The following SMARCD1 variants were observed in gnomAD, a reference collection of about 807,000 sequenced individuals.
SMARCD1 encodes SWI/SNF related BAF chromatin remodeling complex subunit D1.
A neutral mutation model predicts 70.8 loss-of-function variants in SMARCD1; 16 were observed. The ratio of observed to expected loss-of-function variants is 0.23; its 90% confidence interval spans 0.15 to 0.34. The LOEUF is 0.34. Ranked by LOEUF, SMARCD1 falls within the 10% of genes least tolerant of loss-of-function variation. The pLI is 1.00. For missense variants in SMARCD1, 409 were observed against 655.5 expected, an observed-to-expected ratio of 0.62 and a Z score of 4.11; for synonymous variants, 249 against 246.0, an observed-to-expected ratio of 1.01 and a Z score of -0.11.
rs781490034 is a variant in SMARCD1 at position 50,090,507 on chromosome 12, A to G, written c.1050A>G (p.Gln350=). Residue 350 remains glutamine, a synonymous_variant, in exon 9 of 13, where the codon CAA becomes CAG. Transcript: ENST00000394963. ...CTTTGCTACAGATCTTTGAGTCTCA[A>G]CGTATGAAGTTTTCAGAGATCCCTC... is the stretch of plus-strand genomic sequence containing the variant. ...DKYLQQIFES[Q]RMKFSEIPQR... 6 of 1,614,108 alleles carry G rather than the reference A, an allele frequency of 3.7e-6. No homozygotes were observed. Among genetic ancestry groups the G allele is most frequent in the Admixed American group, 3.3e-5 (2 of 60,022 alleles).
At chr12:50,087,618 C>G in intron 5 of SMARCD1, 133 bp downstream of exon 5, 2 of 1,055,144 alleles carry the variant, frequency 1.9e-6, no homozygotes, top group Non-Finnish European at 2.8e-6. Context: ...GGACACTGTT[C>G]CCTGCACTGA....
In SMARCD1 at chr12:50,096,979, A is replaced by T; in HGVS notation, c.1392+7A>T. The T allele has an allele frequency of 6.2e-7, 1 of 1,609,316 alleles. No homozygotes were observed. The highest frequency in any genetic ancestry group is 1.3e-5 in the African/African-American group (1 of 74,882). On this transcript the variant is annotated splice_region_variant and intron_variant, in intron 11 of 12. Transcript: ENST00000394963. ...CCAGTGCAGGGACCTCAAGGTAAAG[A>T]ACCTAGGAGAGGTCTGAAGGGACTT...
chr12:50,086,489 T>TAGTGGTGGTGGTGGTGGTGGTGGC (rs1565737852), intron 2 of SMARCD1, 132 bp from the exon 3 acceptor site: 1 of 1,004,150 alleles, frequency 1.0e-6, no homozygotes, highest in Admixed American at 2.1e-5. Flanking sequence ...TTGGTGGTGG[T>TAGTGGTGGTGGTGGTGGTGGTGGC]GGTGGTGGTG....
chr12:50,090,993 T>G (rs1275795071), intron 9 of SMARCD1, among the ~76,000 whole-genome samples: 1 of 151,514 alleles, frequency 6.6e-6, no homozygotes, highest in Non-Finnish European at 1.5e-5. Context: ...CCTGGCTAAT[T>G]TTTTGTATTT....
intron 9 of SMARCD1, among the ~76,000 whole-genome samples, chr12:50,094,193 A>T (rs964173968): frequency 6.6e-6 from 1 of 152,190 alleles, no homozygotes; most frequent in Admixed American, 6.5e-5. Flanking sequence ...AATCAACTTT[A>T]TTGAAGTATA....
chr12:50,094,615 A>C (rs770779782), intron 10 of SMARCD1, 43 bp downstream of exon 10: 3 of 1,590,850 alleles, frequency 1.9e-6, no homozygotes, highest in East Asian at 4.5e-5. Context: ...ACCAGCCCCT[A>C]TCACAGCTTC....
rs570911785 is a variant in SMARCD1, at chr12:50,099,110, G to A, written c.*110G>A. ...TGCTTGGGGCGTTCCAGGGGATGCT[G>A]TTGGTTCAAGGACAACACCAGAATG... On this transcript the variant is annotated 3_prime_UTR_variant, in exon 13 of 13. Coordinates refer to ENST00000394963, the MANE Select transcript of SMARCD1 (RefSeq NM_003076.5). 1.4e-4 allele frequency: 137 copies of A among 967,400 alleles called. No homozygotes were observed. Among genetic ancestry groups the A allele is most frequent in the Middle Eastern group, 5.9e-4 (2 of 3,406 alleles). The allele number at this position is 967,400 out of a possible 1,614,324, so 59.9% of individuals were successfully genotyped here.
intron 9 of SMARCD1, 117 bp downstream of exon 9, chr12:50,090,707 C>T (rs965694519): frequency 3.2e-6 from 2 of 624,920 alleles, no homozygotes; most frequent in South Asian, 2.0e-5. Context: ...AACTGTTACA[C>T]TGTTACTTAC....
chr12:50,089,085 A>G (rs1440174005), intron 6 of SMARCD1: 1 of 152,550 alleles, frequency 6.6e-6, no homozygotes, highest in Non-Finnish European at 1.5e-5. Flanking sequence ...CTCTGTTTAC[A>G]TTTACATTCC....
At chr12:50,097,012 T>A in intron 11 of SMARCD1, 40 bp downstream of exon 11, 1 of 1,567,716 alleles carries the variant, frequency 6.4e-7, no homozygotes. Flanking sequence ...CTTAGGTCAG[T>A]GAGGTGCACA....
chr12:50,099,388 T>C lies in SMARCD1; in HGVS notation c.*388T>C. On this transcript the variant is annotated 3_prime_UTR_variant, in exon 13 of 13. Transcript: ENST00000394963. Reference sequence around the variant, plus strand: ...TCAGAGACCCAGGAGTTGGGAGCTTTCGCTCCTTCTCCAAGACTCAGGCCT... The same window carrying C: ...TCAGAGACCCAGGAGTTGGGAGCTTCCGCTCCTTCTCCAAGACTCAGGCCT... 4.4e-6 allele frequency: 2 copies of C among 458,558 alleles called. No homozygotes were observed. The highest frequency in any genetic ancestry group is 6.3e-5 in the East Asian group (2 of 31,556). 28.4% of individuals were successfully genotyped at this position (458,558 alleles called of 1,614,324 possible).
chr12:50,090,638 C>A (rs140039484), intron 9 of SMARCD1, 48 bp downstream of exon 9: 2 of 1,401,816 alleles, frequency 1.4e-6, no homozygotes, highest in South Asian at 2.3e-5. Flanking sequence ...TGCCTTGTGC[C>A]GATTTGCACA....
In SMARCD1 at chr12:50,085,536, C is replaced by G. The variant is rs1344323730; in HGVS notation, c.167C>G (p.Ala56Gly). 5 of 1,232,180 alleles carry G rather than the reference C, an allele frequency of 4.1e-6. No individual in the cohort carries two copies. In the Admixed American group the frequency reaches 2.1e-4, roughly 52 times the overall value. The allele number at this position is 1,232,180 out of a possible 1,614,324, so 76.3% of individuals were successfully genotyped here. ...QGLYRSPMPG[A>G]AYPRPGMLPG... ...CTGTACCGCTCCCCGATGCCCGGAG[C>G]GGCCTATCCGGTGAGTGGGGCAGGA... Residue 56 changes from alanine (A) to glycine (G), a missense_variant, in exon 1 of 13, where the codon GCG becomes GGG. By Grantham distance (60) the Ala-to-Gly change is moderately conservative (BLOSUM62 0). This residue lies in a region of SMARCD1 where 140 missense variants were observed against 156.9 expected (regional missense o/e 0.89). Transcript: ENST00000394963.
intron 9 of SMARCD1, among the ~76,000 whole-genome samples, chr12:50,092,582 A>G (rs910607049): frequency 6.6e-6 from 1 of 151,806 alleles, no homozygotes; most frequent in Admixed American, 6.6e-5. Context: ...GGGAGGGGAA[A>G]AAAAGAAAAA....
rs1950928454 is a variant in SMARCD1, at chr12:50,100,277, C to G, written c.*1277C>G. ...CTGGGCACAAAGGGGGAATTCCGTTCAGCATGGGCTCTAAACCCACAGAAC... is the reference window on the plus strand; with the variant it reads ...CTGGGCACAAAGGGGGAATTCCGTTGAGCATGGGCTCTAAACCCACAGAAC... On this transcript the variant is annotated 3_prime_UTR_variant, in exon 13 of 13. Coordinates refer to ENST00000394963, the MANE Select transcript of SMARCD1 (RefSeq NM_003076.5). 1 of 152,644 alleles carries G rather than the reference C, an allele frequency of 6.6e-6. No homozygotes were observed. The highest frequency in any genetic ancestry group is 2.1e-4 in the South Asian group (1 of 4,830). The allele number at this position is 152,644 out of a possible 1,614,324, so 9.5% of individuals were successfully genotyped here. A position where few individuals can be genotyped will look rare whatever the true frequency, so the allele number is the denominator to read the frequency against.
chr12:50,087,180 G>A (rs181765823), intron 4 of SMARCD1, among the ~76,000 whole-genome samples, 183 bp from the exon 5 acceptor site: 14 of 152,276 alleles, frequency 9.2e-5, no homozygotes, highest in Non-Finnish European at 1.3e-4. Context: ...CCCACTATAT[G>A]CACTTGTACT....
In SMARCD1 at chr12:50,096,862, A is replaced by G. The variant is rs762849068; in HGVS notation, c.1282A>G (p.Ile428Val). Residue 428 changes from isoleucine (I) to valine (V), a missense_variant, in exon 11 of 13, where the codon ATA (isoleucine) becomes GTA (valine). By Grantham distance (29) the Ile-to-Val change is conservative. This residue lies in a region of SMARCD1 where 269 missense variants were observed against 498.6 expected (regional missense o/e 0.54). Coordinates refer to ENST00000394963, the MANE Select transcript of SMARCD1 (RefSeq NM_003076.5). ...ATLDNKIHET[I>V]ETINQLKTQR... Reference sequence around the variant, plus strand: ...TTCTTCCTTTCAGATCCATGAGACAATAGAAACCATCAACCAGCTGAAGAC... The same window carrying G: ...TTCTTCCTTTCAGATCCATGAGACAGTAGAAACCATCAACCAGCTGAAGAC... 3.0e-5 allele frequency: 48 copies of G among 1,611,776 alleles called. No homozygotes were observed. The highest frequency in any genetic ancestry group is 3.8e-5 in the Non-Finnish European group (45 of 1,178,214).
At chr12:50,095,760 A>C (rs1950888321) in intron 10 of SMARCD1, among the ~76,000 whole-genome samples, 1 of 152,196 alleles carries the variant, frequency 6.6e-6, no homozygotes, top group African/African-American at 2.4e-5. Context: ...AGAGAGAGAG[A>C]GCCTGGTGTC....
chr12:50,090,821 CTTTTTTTT>C (rs11443542), intron 9 of SMARCD1, among the ~76,000 whole-genome samples: 2 of 102,438 alleles, frequency 2.0e-5, no homozygotes, highest in African/African-American at 4.0e-5. Context: ...TGTATTTGTG[CTTTTTTTT>C]TTTTTTTTTT....
Sources: gnomAD v4.1 joint callset for allele counts (sites outside exome capture counted in the v4.1 genomes callset) on GRCh38, gnomAD v4.1.1 for gene constraint, gnomAD v4.1.1 regional missense constraint, MANE v1.5 for transcripts, NCBI Gene and HGNC (gene_info 2026-07-23, HGNC 2026-07-21) for gene names.